THSD7B: variants seen among roughly 807,000 people sequenced by gnomAD.
The protein encoded by THSD7B is thrombospondin type-1 domain-containing protein 7B.
THSD7B carries 138 observed loss-of-function variants against 213.6 expected under a neutral mutation model. The observed-to-expected ratio is 0.65, with a 90% confidence interval of 0.56 to 0.74. The LOEUF is 0.74. THSD7B is among the 30% of genes least tolerant of loss of function. THSD7B has a pLI of 0.00. For synonymous variants in THSD7B, 742 were observed against 687.0 expected (o/e 1.08, Z -1.25); for missense variants, 1,931 against 1,991.5 (o/e 0.97, Z 0.58).
intron 12 of THSD7B, among the ~76,000 whole-genome samples, chr2:137,394,376 A>G (rs1460757524): frequency 2.9e-5 from 4 of 135,940 alleles, no homozygotes; most frequent in Non-Finnish European, 4.9e-5. Context: ...ATCTTTCTAC[A>G]TATGGCTAGC....
In THSD7B at chr2:137,563,218, C is replaced by A; in HGVS notation, c.3139-3C>A. 6.2e-7 allele frequency: 1 copy of A among 1,611,992 alleles called. No individual in the cohort carries two copies. Among genetic ancestry groups the A allele is most frequent in the Non-Finnish European group, 8.5e-7 (1 of 1,178,902 alleles). On this transcript the variant is annotated splice_polypyrimidine_tract_variant and splice_region_variant and intron_variant, in intron 15 of 27. Coordinates refer to ENST00000409968, the MANE Select transcript of THSD7B (RefSeq NM_001316349.2). ...AATTTTGTTTCTTTCCTGTTCTTGA[C>A]AGGTACATGAGGCAGTCCCATGTTA...
At chr2:136,979,710 T>C (rs1266864709) in intron 2 of THSD7B, among the ~76,000 whole-genome samples, 1 of 152,220 alleles carries the variant, frequency 6.6e-6, no homozygotes, top group Non-Finnish European at 1.5e-5. Flanking sequence ...CTTCTTTGCA[T>C]TGGGTTAAAA....
chr2:137,627,477 A>G (rs905846818), intron 20 of THSD7B, among the ~76,000 whole-genome samples: 1 of 152,206 alleles, frequency 6.6e-6, no homozygotes. Flanking sequence ...GAGATTTGAA[A>G]GCAGTTTTCT....
chr2:137,151,332 T>C (rs1679814863), intron 5 of THSD7B, among the ~76,000 whole-genome samples: 1 of 152,164 alleles, frequency 6.6e-6, no homozygotes, highest in Admixed American at 6.5e-5. Flanking sequence ...TGTTTTATAC[T>C]TTTAAACTTC....
intron 1 of THSD7B, among the ~76,000 whole-genome samples, chr2:136,833,691 C>T (rs1682796693): frequency 6.6e-6 from 1 of 152,054 alleles, no homozygotes; most frequent in African/African-American, 2.4e-5. Context: ...GTGTTTTTCA[C>T]TCAGGCAAAG....
intron 7 of THSD7B, among the ~76,000 whole-genome samples, chr2:137,185,634 A>G (rs554164068): frequency 7.9e-4 from 120 of 152,240 alleles, no homozygotes; most frequent in Admixed American, 3.5e-3. Flanking sequence ...TTTTAATGCA[A>G]TCCACCTTTG....
intron 12 of THSD7B, among the ~76,000 whole-genome samples, chr2:137,363,892 A>G (rs1685336476): frequency 6.6e-6 from 1 of 152,246 alleles, no homozygotes; most frequent in Non-Finnish European, 1.5e-5. Context: ...TCATTTTATG[A>G]GGCCAACATC....
rs774824688 is a variant in THSD7B at position 137,411,777 on chromosome 2, A to G, written c.2864A>G (p.Asp955Gly). 1.2e-6 allele frequency: 2 copies of G among 1,613,966 alleles called. No individual in the cohort carries two copies. Among genetic ancestry groups the G allele is most frequent in the Non-Finnish European group, 1.7e-6 (2 of 1,179,902 alleles). Reference sequence around the variant, plus strand: ...CACCGAGGACTGCGGGTACAAGCAGACAGCAAAGAATGTGGAGAAGGCCTG... The same window carrying G: ...CACCGAGGACTGCGGGTACAAGCAGGCAGCAAAGAATGTGGAGAAGGCCTG... The part of the protein sequence containing the change: ...EPHRGLRVQA[D>G]SKECGEGLRF... The change falls in exon 14 of 28, where the codon GAC (aspartate) becomes GGC (glycine). Residue 955 changes from aspartate to glycine, a missense_variant. Coordinates refer to ENST00000409968, the MANE Select transcript of THSD7B (RefSeq NM_001316349.2).
At chr2:137,031,538 A>G (rs1686667182) in intron 2 of THSD7B, among the ~76,000 whole-genome samples, 1 of 152,208 alleles carries the variant, frequency 6.6e-6, no homozygotes, top group Admixed American at 6.5e-5. Context: ...AGTTTTGTTC[A>G]TCGGTACATA....
chr2:137,586,529 T>C (rs1039855860), intron 17 of THSD7B, among the ~76,000 whole-genome samples: 2 of 152,222 alleles, frequency 1.3e-5, no homozygotes, highest in South Asian at 2.1e-4. Context: ...AGGGCAGGCT[T>C]GGTGGTGACA....
At chr2:137,176,754 TTGG>T (rs1481954325) in intron 7 of THSD7B, among the ~76,000 whole-genome samples, 2 of 152,260 alleles carry the variant, frequency 1.3e-5, no homozygotes, top group East Asian at 3.9e-4. Flanking sequence ...TGATTGAGAG[TTGG>T]TGATACACAC....
At chr2:137,062,193 T>C (rs1291586558) in intron 3 of THSD7B, among the ~76,000 whole-genome samples, 1 of 151,696 alleles carries the variant, frequency 6.6e-6, no homozygotes, top group African/African-American at 2.4e-5. Context: ...ATTACCCTTC[T>C]TAAGTTTCCA....
chr2:137,616,447 G>A, intron 18 of THSD7B, 131 bp downstream of exon 18: 1 of 733,076 alleles, frequency 1.4e-6, no homozygotes, highest in Non-Finnish European at 2.2e-6. Context: ...AAAAGCCTGA[G>A]GACTTCATGT....
chr2:136,813,437 CG>C (rs1558813564), intron 1 of THSD7B, among the ~76,000 whole-genome samples: 2 of 143,724 alleles, frequency 1.4e-5, no homozygotes, highest in African/African-American at 5.9e-5. Flanking sequence ...AAAAATGGAG[CG>C]CCTGCTCTTC....
At chr2:136,945,678 C>CT (rs1230032340) in intron 2 of THSD7B, among the ~76,000 whole-genome samples, 13 of 152,164 alleles carry the variant, frequency 8.5e-5, no homozygotes, top group Non-Finnish European at 1.5e-4. Flanking sequence ...TCTTTTTACT[C>CT]TTTTTTCTCT....
intron 1 of THSD7B, among the ~76,000 whole-genome samples, chr2:136,851,904 A>G (rs1683104105): frequency 6.7e-6 from 1 of 149,696 alleles, no homozygotes; most frequent in Non-Finnish European, 1.5e-5. Flanking sequence ...GGAAAGATGA[A>G]GAATTGAGGC....
chr2:137,311,380 G>C (rs1361670451), intron 12 of THSD7B, among the ~76,000 whole-genome samples: 1 of 152,026 alleles, frequency 6.6e-6, no homozygotes, highest in Admixed American at 6.6e-5. Flanking sequence ...TGCTGAAGTT[G>C]CTTATCAGCT....
intron 15 of THSD7B, chr2:137,452,063 A>G (rs1687662658): frequency 3.2e-6 from 3 of 948,732 alleles, no homozygotes; most frequent in Admixed American, 6.2e-5. Context: ...TCATGTATCA[A>G]TTCAAGACCA....
chr2:137,086,326 G>A (rs1687841221), intron 3 of THSD7B, among the ~76,000 whole-genome samples: 2 of 151,718 alleles, frequency 1.3e-5, no homozygotes, highest in African/African-American at 4.8e-5. Context: ...AACAGAGCAA[G>A]ACCCCACCAC....
Sources: gnomAD v4.1 joint callset for allele counts (sites outside exome capture counted in the v4.1 genomes callset) on GRCh38, gnomAD v4.1.1 for gene constraint, MANE v1.5 for transcripts, NCBI Gene and HGNC (gene_info 2026-07-23, HGNC 2026-07-21) for gene names.